The following CATSPERE variants were observed in gnomAD, a reference collection of about 807,000 sequenced individuals.
CATSPERE encodes catsper channel auxiliary subunit epsilon.
A neutral mutation model predicts 114.1 loss-of-function variants in CATSPERE; 93 were observed. The observed-to-expected ratio is 0.81, with a 90% CI of 0.69 to 0.97. CATSPERE has a LOEUF of 0.97. Among genes scored for constraint, CATSPERE ranks in the 50% least tolerant of loss-of-function variants. CATSPERE has a pLI of 0.00. For synonymous variants in CATSPERE, 341 were observed against 384.1 expected, an observed-to-expected ratio of 0.89 and a Z score of 1.31; for missense variants, 1,058 against 1,131.6, an observed-to-expected ratio of 0.93 and a Z score of 0.93.
At chr1:244,562,700 C>CT (rs1662758994) in intron 10 of CATSPERE, among the ~76,000 whole-genome samples, 1 of 151,938 alleles carries the variant, frequency 6.6e-6, no homozygotes, top group Non-Finnish European at 1.5e-5. Context: ...TGTGAATTTC[C>CT]TTTTTTTCTT....
In CATSPERE at chr1:244,573,798, C is replaced by CATGCAT. The variant is rs1223328056; in HGVS notation, c.1950+1030_1950+1035dup. Among the ~76,000 whole-genome samples, 1 of 152,172 alleles carries CATGCAT rather than the reference C, an allele frequency of 6.6e-6. No individual in the cohort carries two copies. The highest frequency in any genetic ancestry group is 1.5e-5 in the Non-Finnish European group (1 of 68,042). ...ATAGCAAGTTACACTGCATACGGGA[C>CATGCAT]ATGCATATGGGAATGGGAAAAATTC... On this transcript the variant is annotated intron_variant, in intron 11 of 21. Coordinates refer to ENST00000366534, the MANE Select transcript of CATSPERE (RefSeq NM_001130957.2). This position sits in a 1 kb window ranked among gnomAD's most constrained non-coding sequence, Gnocchi z 4.0.
intron 20 of CATSPERE, among the ~76,000 whole-genome samples, chr1:244,621,103 T>TTATA (rs1558609358): frequency 1.6e-3 from 39 of 24,196 alleles, no homozygotes; most frequent in Admixed American, 7.0e-3. Flanking sequence ...AAAATATATA[T>TTATA]AAATATATAT....
chr1:244,626,547 A>G (rs1241531215), intron 20 of CATSPERE, among the ~76,000 whole-genome samples: 1 of 151,050 alleles, frequency 6.6e-6, no homozygotes, highest in East Asian at 1.9e-4. Context: ...AGGCTGCTTC[A>G]TCCACACTGA....
intron 12 of CATSPERE, among the ~76,000 whole-genome samples, chr1:244,582,698 G>T (rs756636532): frequency 6.6e-6 from 1 of 152,044 alleles, no homozygotes; most frequent in South Asian, 2.1e-4. Context: ...CACTGCACCC[G>T]CAGGAAGAAT....
upstream of CATSPERE, chr1:244,451,729 A>G (rs1269577074): frequency 1.9e-6 from 3 of 1,608,816 alleles, no homozygotes; most frequent in East Asian, 6.7e-5. This position sits in a 1 kb window ranked among gnomAD's most constrained non-coding sequence, Gnocchi z 6.6. Context: ...CACCACCGTC[A>G]CCCGGTTTCC....
chr1:244,549,698 A>G (rs1660303739), intron 8 of CATSPERE, among the ~76,000 whole-genome samples: 1 of 152,098 alleles, frequency 6.6e-6, no homozygotes, highest in East Asian at 1.9e-4. Flanking sequence ...TATTGTCTTT[A>G]TTTGGAGATA....
intron 2 of CATSPERE, among the ~76,000 whole-genome samples, chr1:244,471,860 CAT>C (rs1668524717): frequency 6.6e-6 from 1 of 152,118 alleles, no homozygotes; most frequent in Non-Finnish European, 1.5e-5. Flanking sequence ...TATGTGGGGA[CAT>C]ATATTTTTAT....
At chr1:244,639,693 C>T (rs201019247) in intron 21 of CATSPERE, among the ~76,000 whole-genome samples, 5 of 78,768 alleles carry the variant, frequency 6.3e-5, no homozygotes, top group African/African-American at 1.8e-4. Context: ...AAAAAAAAAA[C>T]CAACTTCATT....
At chr1:244,452,864 T>C (rs894398588), upstream of CATSPERE, among the ~76,000 whole-genome samples, 9 of 152,232 alleles carry the variant, frequency 5.9e-5, no homozygotes, top group African/African-American at 2.2e-4. Context: ...ACTGTTCATC[T>C]AATGCCCTTT....
intron 19 of CATSPERE, among the ~76,000 whole-genome samples, chr1:244,615,698 T>C (rs182392461): frequency 2.0e-4 from 31 of 152,230 alleles, no homozygotes; most frequent in African/African-American, 7.2e-4. Flanking sequence ...ATGACTGTAA[T>C]TGATTATTGG....
At chr1:244,488,711 C>T (rs965350904) in intron 5 of CATSPERE, among the ~76,000 whole-genome samples, 7 of 152,186 alleles carry the variant, frequency 4.6e-5, no homozygotes, top group Non-Finnish European at 1.0e-4. Context: ...AGTTCTTCTT[C>T]CCTGTGCCTC....
At chr1:244,474,698 CACTT>C (rs1558322714) in intron 2 of CATSPERE, among the ~76,000 whole-genome samples, 1 of 149,872 alleles carries the variant, frequency 6.7e-6, no homozygotes, top group Non-Finnish European at 1.5e-5. Context: ...AGTCTTAAAT[CACTT>C]AATCATTTTT....
In CATSPERE at chr1:244,581,817, G is replaced by A. The variant is rs1465159184; in HGVS notation, c.1972G>A (p.Val658Ile). The A allele has an allele frequency of 3.0e-6, 4 of 1,339,548 alleles. No homozygotes were observed. Among genetic ancestry groups the A allele is most frequent in the Non-Finnish European group, 4.2e-6 (4 of 958,876 alleles). 83.0% of individuals were successfully genotyped at this position (1,339,548 alleles called of 1,614,324 possible). A position where few individuals can be genotyped will look rare whatever the true frequency, so the allele number is the denominator to read the frequency against. Reference sequence around the variant, plus strand: ...TCAGACACTAACATTTTATCAGAATGTAGATTATGAGAGAATATCTGATTA... The same window carrying A: ...TCAGACACTAACATTTTATCAGAATATAGATTATGAGAGAATATCTGATTA... ...KTLTLTFYQN[V>I]DYERISDYFE... The change falls in exon 12 of 22, where the codon GTA becomes ATA. Residue 658 changes from valine to isoleucine, a missense_variant. Transcript: ENST00000366534.
intron 9 of CATSPERE, among the ~76,000 whole-genome samples, chr1:244,553,926 T>C (rs1661187711): frequency 6.6e-6 from 1 of 152,180 alleles, no homozygotes; most frequent in South Asian, 2.1e-4. Context: ...ACATGTAGTA[T>C]TTGTCTTTCT....
rs528671301 is a variant in CATSPERE at position 244,497,618 on chromosome 1, G to A, written c.352-1384G>A. Among the ~76,000 whole-genome samples, 5 of 152,202 alleles carry A rather than the reference G, an allele frequency of 3.3e-5. No homozygotes were observed. In the South Asian group the frequency reaches 6.2e-4, roughly 19 times the overall value. ...TCGAGACCAGCCTGGCCAACATGGC[G>A]AAACCCCATCTCTACTAAAAATATA... is the stretch of plus-strand genomic sequence containing the variant. On this transcript the variant is annotated intron_variant, in intron 6 of 21. Coordinates refer to ENST00000366534, the MANE Select transcript of CATSPERE (RefSeq NM_001130957.2).
At chr1:244,612,155 A>C (rs1670825071) in intron 19 of CATSPERE, among the ~76,000 whole-genome samples, 1 of 152,160 alleles carries the variant, frequency 6.6e-6, no homozygotes, top group South Asian at 2.1e-4. Flanking sequence ...GAAAGGGTGA[A>C]TTCAGTCTGA....
At chr1:244,541,720 C>A (rs1200760404) in intron 8 of CATSPERE, among the ~76,000 whole-genome samples, 3 of 146,148 alleles carry the variant, frequency 2.1e-5, no homozygotes, top group Non-Finnish European at 4.5e-5. Context: ...ATGTTTATTG[C>A]GGCACTATTC....
At chr1:244,451,926 G>A (rs1296277635), upstream of CATSPERE, 6 of 1,174,508 alleles carry the variant, frequency 5.1e-6, no homozygotes, top group African/African-American at 1.6e-5. The surrounding 1 kb of genome is among the most constrained non-coding windows in gnomAD (Gnocchi z 6.6). Flanking sequence ...GGAGCCAGAG[G>A]CCGGCCCCGC....
At chr1:244,544,590 A>G (rs1257558418) in intron 8 of CATSPERE, among the ~76,000 whole-genome samples, 1 of 152,214 alleles carries the variant, frequency 6.6e-6, no homozygotes, top group African/African-American at 2.4e-5. Flanking sequence ...CACTGCCTCT[A>G]CCTTGGAAAA....
Sources: allele counts gnomAD v4.1 joint callset (sites outside exome capture counted in the v4.1 genomes callset), GRCh38; gene constraint gnomAD v4.1.1; non-coding constraint Gnocchi (gnomAD v3.1); transcripts MANE v1.5; gene names NCBI Gene and HGNC (gene_info 2026-07-23, HGNC 2026-07-21).